SPEN: variants seen among roughly 807,000 people sequenced by gnomAD.
The protein encoded by SPEN is msx2-interacting protein.
SPEN carries 18 observed loss-of-function variants against 269.9 expected under a neutral mutation model. That is an observed-to-expected ratio of 0.07 (90% CI 0.05 to 0.10). The LOEUF is 0.10. SPEN is among the 10% of genes least tolerant of loss of function. The pLI, the probability that SPEN is intolerant of heterozygous loss-of-function variation, is 1.00. For synonymous variants in SPEN, 1,726 were observed against 1,765.7 expected (o/e 0.98, Z 0.56); for missense variants, 3,822 against 4,631.2 (o/e 0.83, Z 5.07).
Position 15,937,483 on chromosome 1 carries a change from T to C in SPEN, c.10347T>C (p.Thr3449=), listed in dbSNP as rs769693659. 1.2e-6 allele frequency: 2 copies of C among 1,613,858 alleles called. No individual in the cohort carries two copies. Among genetic ancestry groups the C allele is most frequent in the Non-Finnish European group, 1.7e-6 (2 of 1,179,952 alleles). ...MKPDLPVSLP[T]QTAPKQPLFV... Reference sequence around the variant, plus strand: ...CTGACCTTCCAGTCTCTCTTCCCACTCAGACTGCCCCAAAACAGCCGTTGT... The same window carrying C: ...CTGACCTTCCAGTCTCTCTTCCCACCCAGACTGCCCCAAAACAGCCGTTGT... The change falls in exon 12 of 15, where the codon ACT becomes ACC. Residue 3449 remains threonine (T), a synonymous_variant. Coordinates refer to ENST00000375759, the MANE Select transcript of SPEN (RefSeq NM_015001.3). The surrounding 1 kb of genome is among the most constrained non-coding windows in gnomAD (Gnocchi z 5.7).
intron 5 of SPEN, among the ~76,000 whole-genome samples, chr1:15,912,028 T>A (rs2071017648): frequency 6.6e-6 from 1 of 152,180 alleles, no homozygotes; most frequent in South Asian, 2.1e-4. Flanking sequence ...GTTAGACCAG[T>A]TTTATTTCTA....
At chr1:15,863,388 T>G (rs1178258704) in intron 1 of SPEN, among the ~76,000 whole-genome samples, 2 of 152,126 alleles carry the variant, frequency 1.3e-5, no homozygotes, top group East Asian at 1.9e-4. Flanking sequence ...TCCCAGGAGT[T>G]GTAATTATCA....
At chr1:15,873,236 A>G (rs1329947302) in intron 2 of SPEN, 100 bp downstream of exon 2, 2 of 1,432,004 alleles carry the variant, frequency 1.4e-6, no homozygotes, top group Non-Finnish European at 1.8e-6. Context: ...AGTTTTGGGC[A>G]TTCTCAATGT....
At chr1:15,910,485 A>G (rs1247674278) in intron 4 of SPEN, among the ~76,000 whole-genome samples, 1 of 152,142 alleles carries the variant, frequency 6.6e-6, no homozygotes, top group Non-Finnish European at 1.5e-5. Context: ...ACAGACATGT[A>G]AAAGTTTTAT....
At chr1:15,886,788 G>A (rs2070740479) in intron 3 of SPEN, among the ~76,000 whole-genome samples, 1 of 152,178 alleles carries the variant, frequency 6.6e-6, no homozygotes. Flanking sequence ...AAGTCCCCAG[G>A]AGCGTTGCTT....
At chr1:15,900,317 C>T (rs1330559602) in intron 3 of SPEN, among the ~76,000 whole-genome samples, 2 of 152,044 alleles carry the variant, frequency 1.3e-5, no homozygotes, top group Admixed American at 6.6e-5. Flanking sequence ...CCTAGGTTGA[C>T]GGTAAGGAAA....
intron 3 of SPEN, among the ~76,000 whole-genome samples, chr1:15,882,965 C>G (rs2070701549): frequency 6.6e-6 from 1 of 152,146 alleles, no homozygotes; most frequent in South Asian, 2.1e-4. Flanking sequence ...TTTCCCTTCC[C>G]TCCTCAGCAG....
At chr1:15,909,918 G>A (rs772725794) in intron 4 of SPEN, among the ~76,000 whole-genome samples, 11 of 152,054 alleles carry the variant, frequency 7.2e-5, no homozygotes, top group Non-Finnish European at 1.3e-4. Context: ...GAGGTCAGGA[G>A]ATCGAGACCA....
At chr1:15,857,574 C>T (rs1316351610) in intron 1 of SPEN, among the ~76,000 whole-genome samples, 2 of 152,050 alleles carry the variant, frequency 1.3e-5, no homozygotes, top group Non-Finnish European at 2.9e-5. Context: ...CCAGGCTGGT[C>T]TTGAACTCCT....
In SPEN at chr1:15,872,739, T is replaced by G. The variant is rs185567495; in HGVS notation, c.84-77T>G. 1.4e-4 allele frequency: 178 copies of G among 1,266,040 alleles called. 3 individuals carry two copies. In the Admixed American group the frequency reaches 4.3e-3, roughly 31 times the overall value. 78.4% of individuals were successfully genotyped at this position (1,266,040 alleles called of 1,614,324 possible). A position where few individuals can be genotyped will look rare whatever the true frequency, so the allele number is the denominator to read the frequency against. The stretch of plus-strand genomic sequence containing the variant: ...GTCCCTCCTACATACATAACGCAAA[T>G]TGTCCAAAAAAAATCTAAAAACTCA... On this transcript the variant is annotated intron_variant, in intron 1 of 14. Coordinates refer to ENST00000375759, the MANE Select transcript of SPEN (RefSeq NM_015001.3).
chr1:15,874,160 G>T lies in SPEN; in HGVS notation c.404+1024G>T, dbSNP rs1205254259. 2.2e-6 allele frequency: 3 copies of T among 1,366,292 alleles called. No individual in the cohort carries two copies. The African/African-American group carries it at 4.4e-5, about 20-fold the overall frequency. 84.6% of individuals were successfully genotyped at this position (1,366,292 alleles called of 1,614,324 possible). A position where few individuals can be genotyped will look rare whatever the true frequency, so the allele number is the denominator to read the frequency against. On this transcript the variant is annotated intron_variant, in intron 2 of 14. Transcript: ENST00000375759. Reference sequence around the variant, plus strand: ...AATTGTCTGCTATCTCAAGAAAGAAGTCTGGGGGTTTGAGAGTTACAGTTT... The same window carrying T: ...AATTGTCTGCTATCTCAAGAAAGAATTCTGGGGGTTTGAGAGTTACAGTTT...
rs757834348 is a variant in SPEN, at chr1:15,932,809, A to G, written c.6569A>G (p.Tyr2190Cys). The change falls in exon 11 of 15, where the codon TAT becomes TGT. Residue 2190 changes from tyrosine to cysteine, a missense_variant. By Grantham distance (194) the Tyr-to-Cys change is radical. Around this residue, in one of 16 missense-constraint regions of SPEN, gnomAD observed 727 missense variants for 737.9 expected, o/e 0.99. Transcript: ENST00000375759. The surrounding 1 kb of genome is among the most constrained non-coding windows in gnomAD (Gnocchi z 4.2). Reference sequence around the variant, plus strand: ...GCTGAGGCCTCTGCCTCTGCTGCCTATAAGGCAGATGCACCAGAGGGCCTT... The same window carrying G: ...GCTGAGGCCTCTGCCTCTGCTGCCTGTAAGGCAGATGCACCAGAGGGCCTT... Reference protein sequence around the residue: ...KLAEASASAAYKADAPEGLAP... With the variant: ...KLAEASASAACKADAPEGLAP... 5 of 1,614,106 alleles carry G rather than the reference A, an allele frequency of 3.1e-6. No homozygotes were observed. Among genetic ancestry groups the G allele is most frequent in the Admixed American group, 3.3e-5 (2 of 60,010 alleles).
chr1:15,919,318 A>G (rs1203974736), intron 7 of SPEN, 86 bp from the exon 8 acceptor site: 10 of 892,852 alleles, frequency 1.1e-5, no homozygotes, highest in Non-Finnish European at 1.6e-5. Flanking sequence ...TAAGATTACT[A>G]TAGAAAACCA....
chr1:15,890,703 C>T (rs534644540), intron 3 of SPEN, among the ~76,000 whole-genome samples: 4 of 151,956 alleles, frequency 2.6e-5, no homozygotes, highest in East Asian at 3.9e-4. Flanking sequence ...CAGCATTTTG[C>T]AACCATCACC....
In SPEN at chr1:15,936,220, C is replaced by A; in HGVS notation, c.9980C>A (p.Ala3327Asp). Residue 3327 changes from alanine to aspartate, a missense_variant, in exon 11 of 15, where the codon GCC (alanine) becomes GAC (aspartate). By Grantham distance (126) the Ala-to-Asp change is moderately radical (BLOSUM62 -2). Around this residue, in one of 16 missense-constraint regions of SPEN, gnomAD observed 359 missense variants for 377.3 expected, o/e 0.95. Coordinates refer to ENST00000375759, the MANE Select transcript of SPEN (RefSeq NM_015001.3). ...CAGCTCACACACACTCAGTTTCCCG[C>A]CGCTTCCTCTGTTGGCCTGCCTTCC... ...PAQLTHTQFP[A>D]ASSVGLPSRT... is the part of the protein sequence containing the mutation. The A allele has an allele frequency of 6.4e-7, 1 of 1,564,548 alleles. No homozygotes were observed. Among genetic ancestry groups the A allele is most frequent in the Non-Finnish European group, 8.7e-7 (1 of 1,148,400 alleles).
At chr1:15,880,337 T>G (rs2070674999) in intron 3 of SPEN, among the ~76,000 whole-genome samples, 1 of 152,038 alleles carries the variant, frequency 6.6e-6, no homozygotes, top group African/African-American at 2.4e-5. Context: ...TTTCTAGAGC[T>G]AACAGATTTC....
intron 3 of SPEN, among the ~76,000 whole-genome samples, chr1:15,889,562 G>A (rs529340514): frequency 8.5e-5 from 13 of 152,218 alleles, no homozygotes; most frequent in South Asian, 6.2e-4. Flanking sequence ...AAACTGAATT[G>A]GCTTCAAAGG....
At chr1:15,900,595 A>G (rs942362007) in intron 3 of SPEN, among the ~76,000 whole-genome samples, 1 of 152,198 alleles carries the variant, frequency 6.6e-6, no homozygotes. Context: ...TTCTTGAGGA[A>G]GTTTGATTTT....
Position 15,936,188 on chromosome 1 carries a change from C to G in SPEN, c.9948C>G (p.Pro3316=), listed in dbSNP as rs764173169. The G allele has an allele frequency of 9.4e-6, 15 of 1,593,872 alleles. No homozygotes were observed. The highest frequency in any genetic ancestry group is 1.3e-5 in the African/African-American group (1 of 74,536). The part of the protein sequence containing the change: ...YRYGDIRTYH[P]PAQLTHTQFP... ...ACGGCGACATCCGCACCTACCACCC[C>G]CCGGCCCAGCTCACACACACTCAGT... The change falls in exon 11 of 15, where the codon CCC becomes CCG. Residue 3316 remains proline (P), a synonymous_variant. Coordinates refer to ENST00000375759, the MANE Select transcript of SPEN (RefSeq NM_015001.3).
Sources: gnomAD v4.1 joint callset for allele counts (sites outside exome capture counted in the v4.1 genomes callset) on GRCh38, gnomAD v4.1.1 for gene constraint, gnomAD v4.1.1 regional missense constraint, Gnocchi (gnomAD v3.1) non-coding constraint, MANE v1.5 for transcripts, NCBI Gene and HGNC (gene_info 2026-07-23, HGNC 2026-07-21) for gene names.